The following VEGFC variants were observed in gnomAD, a reference collection of about 807,000 sequenced individuals.
VEGFC encodes FLT4 ligand DHM.
Under a neutral mutation model 46.1 loss-of-function variants are expected in VEGFC, and 12 were observed. The ratio of observed to expected loss-of-function variants is 0.26; its 90% CI spans 0.17 to 0.42. The LOEUF (loss-of-function observed/expected upper bound fraction) is 0.42, where lower values mean the gene tolerates loss of function less well. Ranked by LOEUF, VEGFC falls within the 10% of genes least tolerant of loss-of-function variation. The pLI, the probability that VEGFC is intolerant of heterozygous loss-of-function variation, is 1.00. For synonymous variants in VEGFC, 232 were observed against 195.5 expected (o/e 1.19, Z -1.56); for missense variants, 488 against 529.4 (o/e 0.92, Z 0.77).
chr4:176,704,417 G>A (rs1734487406), intron 4 of VEGFC, among the ~76,000 whole-genome samples: 1 of 152,094 alleles, frequency 6.6e-6, no homozygotes, highest in South Asian at 2.1e-4. Flanking sequence ...TTTCAGGTAA[G>A]TTCCTACTAT....
chr4:176,727,689 A>G, intron 3 of VEGFC, 89 bp downstream of exon 3: 2 of 1,382,952 alleles, frequency 1.4e-6, no homozygotes, highest in Non-Finnish European at 1.9e-6. Flanking sequence ...GTTAGTTTAA[A>G]GCAACCAGAA....
At chr4:176,716,779 G>A (rs1286623744) in intron 3 of VEGFC, among the ~76,000 whole-genome samples, 1 of 151,868 alleles carries the variant, frequency 6.6e-6, no homozygotes, top group Non-Finnish European at 1.5e-5. Context: ...AACTAACATA[G>A]TAACTAGAAT....
rs764850984 is a variant in VEGFC, at chr4:176,727,980, T to C, written c.362-12A>G. 22 of 1,572,750 alleles carry C rather than the reference T, an allele frequency of 1.4e-5. No homozygotes were observed. The highest frequency in any genetic ancestry group is 2.7e-5 in the African/African-American group (2 of 73,694). ...CTCATTATCAATACCTGTCAAGTCA[T>C]AGGGAAATCAGTAAGTTTTACGGAA... On this transcript the variant is annotated splice_polypyrimidine_tract_variant and intron_variant, in intron 2 of 6. Coordinates refer to ENST00000618562, the MANE Select transcript of VEGFC (RefSeq NM_005429.5).
chr4:176,775,778 C>A (rs1457596590), intron 1 of VEGFC, among the ~76,000 whole-genome samples: 2 of 152,078 alleles, frequency 1.3e-5, no homozygotes, highest in Non-Finnish European at 1.5e-5. Context: ...TTTGTTTTTA[C>A]TATCAGTTCT....
chr4:176,747,706 A>C (rs1735280437), intron 1 of VEGFC, among the ~76,000 whole-genome samples: 1 of 152,096 alleles, frequency 6.6e-6, no homozygotes, highest in Admixed American at 6.6e-5. Flanking sequence ...AGGCAGGAGG[A>C]TCCCTTGAGC....
In VEGFC at chr4:176,711,517, A is replaced by C; in HGVS notation, c.686T>G (p.Leu229Arg). Residue 229 changes from leucine (L) to arginine (R), a missense_variant, in exon 4 of 7, where the codon CTG becomes CGG. Leu to Arg is a moderately radical substitution (Grantham distance 102). Transcript: ENST00000618562. Reference sequence around the variant, plus strand: ...TACTCACTGTGGTAGTGTTGCTGGCAGGGAACGTCTAATAATGGAATGAAC... The same window carrying C: ...TACTCACTGTGGTAGTGTTGCTGGCCGGGAACGTCTAATAATGGAATGAAC... ...RQVHSIIRRS[L>R]PATLPQCQAA... 1 of 1,612,996 alleles carries C rather than the reference A, an allele frequency of 6.2e-7. No homozygotes were observed. Among genetic ancestry groups the C allele is most frequent in the Non-Finnish European group, 8.5e-7 (1 of 1,179,392 alleles).
intron 1 of VEGFC, among the ~76,000 whole-genome samples, chr4:176,732,547 T>C (rs1402901512): frequency 6.6e-6 from 1 of 151,830 alleles, no homozygotes; most frequent in East Asian, 1.9e-4. Flanking sequence ...AATGAGAAGA[T>C]GCATGACTCA....
intron 1 of VEGFC, among the ~76,000 whole-genome samples, chr4:176,767,450 G>T (rs995916447): frequency 3.9e-5 from 6 of 152,208 alleles, no homozygotes; most frequent in Non-Finnish European, 7.3e-5. Context: ...GCACTCTACA[G>T]TTAGAGCTTC....
chr4:176,687,139 G>A (rs1734055213), intron 6 of VEGFC, 48 bp downstream of exon 6: 1 of 1,557,338 alleles, frequency 6.4e-7, no homozygotes, highest in East Asian at 2.2e-5. Flanking sequence ...TTGGTTTAGA[G>A]CATATTTCTA....
intron 1 of VEGFC, among the ~76,000 whole-genome samples, chr4:176,732,832 T>C (rs1734990536): frequency 6.6e-6 from 1 of 151,822 alleles, no homozygotes; most frequent in Non-Finnish European, 1.5e-5. Flanking sequence ...ACAAATTATA[T>C]TTCCAGAAAA....
At chr4:176,773,841 A>AT (rs1735763008) in intron 1 of VEGFC, among the ~76,000 whole-genome samples, 1 of 151,762 alleles carries the variant, frequency 6.6e-6, no homozygotes, top group Admixed American at 6.6e-5. Context: ...TGCCTGGCTA[A>AT]TTTTTTTTAA....
Position 176,716,238 on chromosome 4 carries a change from G to C in VEGFC, c.553-4588C>G, listed in dbSNP as rs137992318. ...ACCAAGCACCTTGCTAGAATCTCAG[G>C]ATAACAGTCATCAGTAATGACCTTG... On this transcript the variant is annotated intron_variant, in intron 3 of 6. Coordinates refer to ENST00000618562, the MANE Select transcript of VEGFC (RefSeq NM_005429.5). Among the ~76,000 whole-genome samples, 25 of 152,032 alleles carry C rather than the reference G, an allele frequency of 1.6e-4. No individual in the cohort carries two copies. In the South Asian group the frequency reaches 4.4e-3, roughly 27 times the overall value.
intron 1 of VEGFC, among the ~76,000 whole-genome samples, chr4:176,743,283 T>TA: frequency 6.6e-6 from 1 of 152,032 alleles, no homozygotes; most frequent in South Asian, 2.1e-4. Flanking sequence ...TTTTCATATT[T>TA]AAAAAAATGC....
At chr4:176,769,409 A>G (rs1234581730) in intron 1 of VEGFC, among the ~76,000 whole-genome samples, 1 of 152,160 alleles carries the variant, frequency 6.6e-6, no homozygotes, top group Middle Eastern at 3.2e-3. Context: ...TGTGACCATC[A>G]CAGAAAAGCT....
At chr4:176,763,449 A>G (rs1318661298) in intron 1 of VEGFC, among the ~76,000 whole-genome samples, 1 of 152,280 alleles carries the variant, frequency 6.6e-6, no homozygotes, top group African/African-American at 2.4e-5. Context: ...TGCATAGAAC[A>G]TCATTCCAAT....
In VEGFC at chr4:176,746,521, A is replaced by G. The variant is rs541350642; in HGVS notation, c.148-16775T>C. 2.6e-5 allele frequency among the ~76,000 whole-genome samples: 4 copies of G among 152,212 alleles called. No homozygotes were observed. The South Asian group carries it at 8.3e-4, about 31-fold the overall frequency. On this transcript the variant is annotated intron_variant, in intron 1 of 6. Transcript: ENST00000618562. ...AGCCCTCTTAATTTAGTAGTTTGTG[A>G]GCACCAGTTTCCATTATTTGCTGAA... is the stretch of plus-strand genomic sequence containing the variant.
intron 1 of VEGFC, among the ~76,000 whole-genome samples, chr4:176,774,461 C>G (rs971672773): frequency 1.3e-5 from 2 of 152,158 alleles, no homozygotes; most frequent in African/African-American, 4.8e-5. Context: ...TTTCGTTATG[C>G]TAATTACACA....
Position 176,719,914 on chromosome 4 carries a change from C to T in VEGFC, c.552+7864G>A, listed in dbSNP as rs149079871. Among the ~76,000 whole-genome samples, 814 of 152,152 alleles carry T rather than the reference C, an allele frequency of 5.3e-3. 7 individuals carry two copies. The highest frequency in any genetic ancestry group is 8.3e-3 in the Admixed American group (126 of 15,270). ...TATCTCTATTAAAATACAAAATCAG[C>T]TGGGCGTGGTGGTGGACACCTGTAA... On this transcript the variant is annotated intron_variant, in intron 3 of 6. Coordinates refer to ENST00000618562, the MANE Select transcript of VEGFC (RefSeq NM_005429.5).
chr4:176,790,389 T>C (rs934722403), intron 1 of VEGFC, among the ~76,000 whole-genome samples: 1 of 152,158 alleles, frequency 6.6e-6, no homozygotes, highest in Non-Finnish European at 1.5e-5. Flanking sequence ...CAAACAAAAA[T>C]GCATAGTGAT....
Sources: gnomAD v4.1 joint callset for allele counts (sites outside exome capture counted in the v4.1 genomes callset) on GRCh38, gnomAD v4.1.1 for gene constraint, MANE v1.5 for transcripts, NCBI Gene and HGNC (gene_info 2026-07-23, HGNC 2026-07-21) for gene names.